Variants in ZFAND3 observed in about 807,000 individuals in gnomAD.
The protein encoded by ZFAND3 is zinc finger AN1-type containing 3, also known as AN1-type zinc finger protein 3.
A neutral mutation model predicts 29.6 loss-of-function variants in ZFAND3; 10 were observed. The ratio of observed to expected loss-of-function variants is 0.34; its 90% CI spans 0.21 to 0.57. The LOEUF is 0.57. Ranked by LOEUF, ZFAND3 falls within the 20% of genes least tolerant of loss-of-function variation. The pLI is 0.86. For synonymous variants in ZFAND3, 128 were observed against 112.6 expected, an observed-to-expected ratio of 1.14 and a Z score of -0.87; for missense variants, 230 against 304.5, an observed-to-expected ratio of 0.76 and a Z score of 1.82.
intron 5 of ZFAND3, among the ~76,000 whole-genome samples, chr6:38,131,033 A>G (rs1765732253): frequency 6.6e-6 from 1 of 152,132 alleles, no homozygotes; most frequent in Non-Finnish European, 1.5e-5. Flanking sequence ...GATGTAAGCT[A>G]GGAGGGTTGT....
intron 1 of ZFAND3, among the ~76,000 whole-genome samples, chr6:37,828,681 C>T (rs1039237011): frequency 1.3e-5 from 2 of 151,460 alleles, no homozygotes; most frequent in Non-Finnish European, 2.9e-5. Flanking sequence ...CGGAGTCTCG[C>T]TGTGTCGCCC....
intron 1 of ZFAND3, among the ~76,000 whole-genome samples, chr6:37,847,685 A>G (rs1337710348): frequency 1.3e-5 from 2 of 152,172 alleles, no homozygotes; most frequent in African/African-American, 4.8e-5. Flanking sequence ...ATAGGAAAGA[A>G]GTTAATCTGT....
At chr6:37,960,436 T>C (rs1410375489) in intron 2 of ZFAND3, among the ~76,000 whole-genome samples, 1 of 152,214 alleles carries the variant, frequency 6.6e-6, no homozygotes, top group Non-Finnish European at 1.5e-5. Context: ...CCCTTTACTT[T>C]GGACAGAAGG....
chr6:38,093,652 G>A (rs970732545), intron 4 of ZFAND3, among the ~76,000 whole-genome samples: 1 of 152,128 alleles, frequency 6.6e-6, no homozygotes, highest in South Asian at 2.1e-4. Flanking sequence ...TGAGGACTAA[G>A]GAAAGCTATG....
intron 2 of ZFAND3, among the ~76,000 whole-genome samples, chr6:37,957,488 C>G (rs898786179): frequency 6.6e-6 from 1 of 151,956 alleles, no homozygotes; most frequent in African/African-American, 2.4e-5. Flanking sequence ...ACTAAACTTT[C>G]AACATGTATA....
At chr6:37,891,421 C>CCCCA (rs1554153101) in intron 1 of ZFAND3, among the ~76,000 whole-genome samples, 3 of 142,068 alleles carry the variant, frequency 2.1e-5, no homozygotes, top group Non-Finnish European at 3.0e-5. Context: ...TTCAGTCCCC[C>CCCCA]CCCCCGCCTT....
At chr6:38,095,979 G>A (rs1291092269) in intron 4 of ZFAND3, among the ~76,000 whole-genome samples, 3 of 152,074 alleles carry the variant, frequency 2.0e-5, no homozygotes, top group Non-Finnish European at 2.9e-5. Context: ...GCTACAGCGA[G>A]CCATGATTGC....
chr6:38,018,970 C>CT (rs930403133), intron 2 of ZFAND3, among the ~76,000 whole-genome samples: 55 of 150,130 alleles, frequency 3.7e-4, no homozygotes, highest in Admixed American at 7.3e-4. Context: ...ATCTGATAGA[C>CT]TTTTTTTTTT....
chr6:38,141,329 A>C (rs907645238), intron 5 of ZFAND3, among the ~76,000 whole-genome samples: 1 of 152,304 alleles, frequency 6.6e-6, no homozygotes, highest in East Asian at 1.9e-4. Context: ...TTCAACAAAC[A>C]ATCAGTACGT....
At chr6:38,141,720 G>C (rs1765960355) in intron 5 of ZFAND3, among the ~76,000 whole-genome samples, 2 of 152,200 alleles carry the variant, frequency 1.3e-5, no homozygotes, top group Admixed American at 1.3e-4. Flanking sequence ...ATCTAGATGG[G>C]GAGGTAAAAG....
At chr6:38,046,648 T>G (rs1763909594) in intron 2 of ZFAND3, among the ~76,000 whole-genome samples, 1 of 152,212 alleles carries the variant, frequency 6.6e-6, no homozygotes, top group Non-Finnish European at 1.5e-5. Context: ...GGTGTCCATT[T>G]GAGAATCAGG....
intron 2 of ZFAND3, among the ~76,000 whole-genome samples, chr6:38,051,304 A>G (rs1764020398): frequency 6.6e-6 from 1 of 152,240 alleles, no homozygotes; most frequent in South Asian, 2.1e-4. Flanking sequence ...ATACAATTAT[A>G]GAAATAATCA....
intron 2 of ZFAND3, among the ~76,000 whole-genome samples, chr6:37,940,720 AGT>A (rs1761796608): frequency 6.6e-6 from 1 of 152,236 alleles, no homozygotes; most frequent in Admixed American, 6.5e-5. Flanking sequence ...AGAAAGAGAG[AGT>A]GACAATTTTA....
chr6:37,995,986 G>A (rs1762842103), intron 2 of ZFAND3, among the ~76,000 whole-genome samples: 2 of 151,924 alleles, frequency 1.3e-5, no homozygotes, highest in Middle Eastern at 3.4e-3. Context: ...AAAATTAGCC[G>A]GGCGTGGTGG....
intron 1 of ZFAND3, among the ~76,000 whole-genome samples, chr6:37,848,438 A>G (rs1764221387): frequency 6.6e-6 from 1 of 152,208 alleles, no homozygotes; most frequent in Non-Finnish European, 1.5e-5. Flanking sequence ...AATCATTTTC[A>G]TTTTTGAATA....
At chr6:38,080,373 A>G (rs1311972965) in intron 3 of ZFAND3, among the ~76,000 whole-genome samples, 1 of 152,012 alleles carries the variant, frequency 6.6e-6, no homozygotes, top group Non-Finnish European at 1.5e-5. Flanking sequence ...TAGTCACTTA[A>G]TGAACGTTAT....
chr6:38,035,463 A>C (rs114354394), intron 2 of ZFAND3, among the ~76,000 whole-genome samples: 1 of 152,188 alleles, frequency 6.6e-6, no homozygotes, highest in South Asian at 2.1e-4. Flanking sequence ...GAAAGTCTTA[A>C]AAATAATCCT....
chr6:37,998,381 G>A (rs895639099), intron 2 of ZFAND3, among the ~76,000 whole-genome samples: 4 of 152,170 alleles, frequency 2.6e-5, no homozygotes, highest in African/African-American at 9.7e-5. Context: ...TAGTGGCTAC[G>A]TGACAGTTGT....
chr6:37,842,402 T>C (rs1222690207), intron 1 of ZFAND3, among the ~76,000 whole-genome samples: 1 of 152,218 alleles, frequency 6.6e-6, no homozygotes, highest in Non-Finnish European at 1.5e-5. Flanking sequence ...GAAAGTCGTA[T>C]AAATGGAGTC....
Sources: allele counts gnomAD v4.1 joint callset (sites outside exome capture counted in the v4.1 genomes callset), GRCh38; gene constraint gnomAD v4.1.1; transcripts MANE v1.5; gene names NCBI Gene and HGNC (gene_info 2026-07-23, HGNC 2026-07-21).